VPS13B: variants seen among roughly 807,000 people sequenced by gnomAD.
VPS13B encodes vacuolar protein sorting 13 homolog B.
Under a neutral mutation model 426.4 loss-of-function variants are expected in VPS13B, and 285 were observed. That is an observed-to-expected ratio of 0.67 (90% CI 0.61 to 0.74). VPS13B has a LOEUF of 0.74. Ranked by LOEUF, VPS13B falls within the 30% of genes least tolerant of loss-of-function variation. The pLI, the probability that VPS13B is intolerant of heterozygous loss-of-function variation, is 0.00. For missense variants in VPS13B, 4,537 were observed against 4,782.6 expected (o/e 0.95, Z 1.51); for synonymous variants, 1,676 against 1,676.4 (o/e 1.00, Z 0.01).
At chr8:99,627,178 A>G (rs1828649836) in intron 33 of VPS13B, among the ~76,000 whole-genome samples, 1 of 152,132 alleles carries the variant, frequency 6.6e-6, no homozygotes, top group South Asian at 2.1e-4. Flanking sequence ...GACAAGAGGC[A>G]TAAGTTTTGA....
At chr8:99,424,647 G>A (rs896519882) in intron 21 of VPS13B, 112 of 152,180 alleles carry the variant, frequency 7.4e-4, no homozygotes, top group African/African-American at 2.6e-3. Flanking sequence ...ACAATTAAAA[G>A]AACTAGAGAA....
intron 24 of VPS13B, among the ~76,000 whole-genome samples, chr8:99,476,916 T>C (rs1819722738): frequency 6.6e-6 from 1 of 152,188 alleles, no homozygotes; most frequent in African/African-American, 2.4e-5. Context: ...GAATTGACAG[T>C]TTACATTAAT....
chr8:99,384,217 T>C lies in VPS13B; in HGVS notation c.2834T>C (p.Leu945Pro). ...IDYCHNSGAV[L>P]LCSIQGLAVN... The stretch of plus-strand genomic sequence containing the variant: ...AAATCTTGTCTTTTAGGTGCTGTAC[T>C]TCTTTGCAGTATACAAGGACTAGCA... The change falls in exon 20 of 62, where the codon CTT (leucine) becomes CCT (proline). Residue 945 changes from leucine to proline, a missense_variant. Physicochemically the swap from Leu to Pro is moderately conservative, Grantham distance 98. This residue lies in a region of VPS13B where 4,311 missense variants were observed against 4,474.3 expected (regional missense o/e 0.96). Transcript: ENST00000357162. The C allele has an allele frequency of 6.2e-7, 1 of 1,613,870 alleles. No homozygotes were observed. Among genetic ancestry groups the C allele is most frequent in the Non-Finnish European group, 8.5e-7 (1 of 1,179,832 alleles).
chr8:99,750,708 C>A (rs1810347910), intron 39 of VPS13B, among the ~76,000 whole-genome samples: 1 of 152,076 alleles, frequency 6.6e-6, no homozygotes, highest in Admixed American at 6.6e-5. Flanking sequence ...AGTTAGAGTT[C>A]TCTGTGCACA....
chr8:99,545,092 G>T (rs563043361), intron 30 of VPS13B, among the ~76,000 whole-genome samples: 1 of 152,058 alleles, frequency 6.6e-6, no homozygotes, highest in Non-Finnish European at 1.5e-5. Flanking sequence ...ACCTTCCTCT[G>T]TTCTGTACCT....
intron 3 of VPS13B, among the ~76,000 whole-genome samples, chr8:99,095,790 A>G (rs1489744214): frequency 6.6e-6 from 1 of 152,216 alleles, no homozygotes; most frequent in African/African-American, 2.4e-5. Flanking sequence ...GTTAAAACTT[A>G]TACCTAACAT....
At chr8:99,823,303 A>G (rs965419711) in intron 50 of VPS13B, among the ~76,000 whole-genome samples, 1 of 152,208 alleles carries the variant, frequency 6.6e-6, no homozygotes. Flanking sequence ...GTTAATATGT[A>G]TACAGCACTT....
chr8:99,548,739 A>G (rs1156621158), intron 30 of VPS13B, among the ~76,000 whole-genome samples: 1 of 151,986 alleles, frequency 6.6e-6, no homozygotes, highest in African/African-American at 2.4e-5. Flanking sequence ...GAGGGAAAAA[A>G]TCCTCCTATT....
rs182133936 is a variant in VPS13B, at chr8:99,064,064, C to T, written c.291+25498C>T. Reference sequence around the variant, plus strand: ...AAACAGAAAGGCATAGCATCAACATCAACAAAAAGGACATCCACACCAAAA... The same window carrying T: ...AAACAGAAAGGCATAGCATCAACATTAACAAAAAGGACATCCACACCAAAA... On this transcript the variant is annotated intron_variant, in intron 3 of 61. Transcript: ENST00000357162. 2.6e-3 allele frequency among the ~76,000 whole-genome samples: 391 copies of T among 152,168 alleles called. 1 individual carries two copies. The highest frequency in any genetic ancestry group is 0.014 in the Middle Eastern group (4 of 294).
Position 99,821,356 on chromosome 8 carries a change from T to C in VPS13B, c.9057T>C (p.Ile3019=), listed in dbSNP as rs1338076915. 2 of 1,613,864 alleles carry C rather than the reference T, an allele frequency of 1.2e-6. No homozygotes were observed. Among genetic ancestry groups the C allele is most frequent in the Admixed American group, 3.3e-5 (2 of 59,986 alleles). ...NTNTVHKSVA[I]KLVHNLTSPK... ...ACACTGTGCACAAGTCAGTAGCAATTAAACTGGTCCATAACCTGACATCTC... is the reference window on the plus strand; with the variant it reads ...ACACTGTGCACAAGTCAGTAGCAATCAAACTGGTCCATAACCTGACATCTC... Residue 3019 remains isoleucine, a synonymous_variant, in exon 50 of 62, where the codon ATT becomes ATC. Coordinates refer to ENST00000357162, the MANE Select transcript of VPS13B (RefSeq NM_152564.5).
intron 19 of VPS13B, among the ~76,000 whole-genome samples, chr8:99,280,612 C>T (rs759489273): frequency 1.3e-4 from 20 of 152,032 alleles, no homozygotes; most frequent in Non-Finnish European, 2.2e-4. Flanking sequence ...TACATGTTAG[C>T]CGCCTTTTCT....
At chr8:99,233,440 T>C in intron 17 of VPS13B, 1 of 1,293,376 alleles carries the variant, frequency 7.7e-7, no homozygotes. Flanking sequence ...TGCCCCTTTC[T>C]TCCCGATGAT....
At chr8:99,185,387 G>C (rs1187638220) in intron 16 of VPS13B, among the ~76,000 whole-genome samples, 1 of 151,866 alleles carries the variant, frequency 6.6e-6, no homozygotes, top group Non-Finnish European at 1.5e-5. Flanking sequence ...TTTTCATTGA[G>C]TATTGATGTG....
At chr8:99,514,823 C>T (rs1282054993) in intron 29 of VPS13B, among the ~76,000 whole-genome samples, 3 of 152,104 alleles carry the variant, frequency 2.0e-5, no homozygotes, top group East Asian at 1.9e-4. Flanking sequence ...TTTTAGGTCC[C>T]GTGGTAATTC....
At chr8:99,659,947 G>A (rs1399819483) in intron 34 of VPS13B, among the ~76,000 whole-genome samples, 1 of 152,122 alleles carries the variant, frequency 6.6e-6, no homozygotes, top group African/African-American at 2.4e-5. Context: ...GTCCTAGCAG[G>A]TTACATAGTT....
rs185662680 is a variant in VPS13B at position 99,085,534 on chromosome 8, T to G, written c.292-10778T>G. Reference sequence around the variant, plus strand: ...GATTATTTTGTTAGTTGATGGATTTTCTTCCTAGCATCGATGGTGTTTACA... The same window carrying G: ...GATTATTTTGTTAGTTGATGGATTTGCTTCCTAGCATCGATGGTGTTTACA... On this transcript the variant is annotated intron_variant, in intron 3 of 61. Transcript: ENST00000357162. Among the ~76,000 whole-genome samples the G allele has an allele frequency of 4.6e-5, 7 of 152,346 alleles. No homozygotes were observed. In the East Asian group the frequency reaches 1.3e-3, roughly 29 times the overall value.
At chr8:99,299,997 T>C (rs1820272803) in intron 19 of VPS13B, among the ~76,000 whole-genome samples, 1 of 152,228 alleles carries the variant, frequency 6.6e-6, no homozygotes, top group Non-Finnish European at 1.5e-5. Flanking sequence ...ATCATATAAC[T>C]ACTACCTGAT....
chr8:99,802,643 A>G (rs866367376), intron 43 of VPS13B, among the ~76,000 whole-genome samples: 1 of 152,188 alleles, frequency 6.6e-6, no homozygotes, highest in Admixed American at 6.5e-5. Context: ...TTCCTTTGGA[A>G]TAGGTATACA....
At chr8:99,809,630 C>T in intron 44 of VPS13B, 100 bp downstream of exon 44, 1 of 1,373,384 alleles carries the variant, frequency 7.3e-7, no homozygotes, top group South Asian at 1.2e-5. Flanking sequence ...GTGGTTATGC[C>T]TAGTTATATC....
Sources: gnomAD v4.1 joint callset for allele counts (sites outside exome capture counted in the v4.1 genomes callset) on GRCh38, gnomAD v4.1.1 for gene constraint, gnomAD v4.1.1 regional missense constraint, MANE v1.5 for transcripts, NCBI Gene and HGNC (gene_info 2026-07-23, HGNC 2026-07-21) for gene names.